The following ANO10 variants were observed in gnomAD, a reference collection of about 807,000 sequenced individuals.
ANO10 encodes anoctamin 10.
ANO10 carries 77 observed loss-of-function variants against 74.7 expected under a neutral mutation model. The observed-to-expected ratio is 1.03, with a 90% CI of 0.86 to 1.25. The LOEUF is 1.25. ANO10 is among the 50% of genes most tolerant of loss of function. The probability of loss-of-function intolerance (pLI) is 0.00; values close to 1 mark genes in which losing one functional copy is unlikely to be tolerated. For missense variants in ANO10, 721 were observed against 778.1 expected (o/e 0.93, Z 0.87); for synonymous variants, 279 against 284.9 (o/e 0.98, Z 0.21).
chr3:43,496,279 C>G (rs2076911275), intron 11 of ANO10, among the ~76,000 whole-genome samples: 1 of 152,028 alleles, frequency 6.6e-6, no homozygotes, highest in Non-Finnish European at 1.5e-5. Flanking sequence ...ATTCTGTAGC[C>G]ATTACAAAGA....
rs372566429 is a variant in ANO10, at chr3:43,526,897, T to A, written c.1797+22823A>T. 2.9e-4 allele frequency among the ~76,000 whole-genome samples: 44 copies of A among 152,026 alleles called. No individual in the cohort carries two copies. In the East Asian group the frequency reaches 3.3e-3, roughly 11 times the overall value. On this transcript the variant is annotated intron_variant, in intron 11 of 12. Transcript: ENST00000292246. Reference sequence around the variant, plus strand: ...TCTAAAATAATCTCTAGTCTACTGGTTGACCTCAACAATAATGAAAAACAG... The same window carrying A: ...TCTAAAATAATCTCTAGTCTACTGGATGACCTCAACAATAATGAAAAACAG...
chr3:43,432,089 A>AT (rs1289536978), intron 12 of ANO10, among the ~76,000 whole-genome samples: 3 of 150,686 alleles, frequency 2.0e-5, no homozygotes, highest in Admixed American at 6.6e-5. Flanking sequence ...CAAGCAGAAA[A>AT]TCACCAAAAT....
chr3:43,599,375 T>C (rs1408106600), intron 3 of ANO10, among the ~76,000 whole-genome samples: 1 of 152,132 alleles, frequency 6.6e-6, no homozygotes, highest in Non-Finnish European at 1.5e-5. Flanking sequence ...TATTCTCTAC[T>C]AGAACCTGCT....
At chr3:43,388,528 A>G (rs1271000188) in intron 12 of ANO10, among the ~76,000 whole-genome samples, 1 of 152,184 alleles carries the variant, frequency 6.6e-6, no homozygotes, top group Non-Finnish European at 1.5e-5. Flanking sequence ...AACTGCAGCT[A>G]GTTTCTTACT....
At chr3:43,500,511 T>C (rs149483231) in intron 11 of ANO10, among the ~76,000 whole-genome samples, 68 of 152,356 alleles carry the variant, frequency 4.5e-4, no homozygotes, top group African/African-American at 1.6e-3. Flanking sequence ...TTTGTCCACA[T>C]GTTGACGATG....
At chr3:43,617,427 C>A (rs924508924) in intron 1 of ANO10, among the ~76,000 whole-genome samples, 1 of 151,960 alleles carries the variant, frequency 6.6e-6, no homozygotes. Context: ...GACCCTGGGG[C>A]GTGGGATTAT....
In ANO10 at chr3:43,672,211, T is replaced by C. The variant is rs116034596; in HGVS notation, c.-12+19306A>G. On this transcript the variant is annotated intron_variant, in intron 1 of 3. Transcript: ENST00000413397. ...ATGATTTGTGACAATCATTACGATT[T>C]GTGCTGCATACTTCAACTAACAAGA... is the stretch of plus-strand genomic sequence containing the variant. 1.8e-3 allele frequency among the ~76,000 whole-genome samples: 277 copies of C among 152,298 alleles called. 3 individuals are homozygous for C. The highest frequency in any genetic ancestry group is 6.3e-3 in the African/African-American group (262 of 41,554).
At chr3:43,411,780 T>C (rs567910076) in intron 12 of ANO10, among the ~76,000 whole-genome samples, 32 of 152,288 alleles carry the variant, frequency 2.1e-4, no homozygotes, top group African/African-American at 6.0e-4. Flanking sequence ...CAGGAACAAC[T>C]GCATTTTGGA....
chr3:43,677,393 A>G (rs1190521951), intron 1 of ANO10, among the ~76,000 whole-genome samples: 2 of 152,226 alleles, frequency 1.3e-5, no homozygotes, highest in East Asian at 3.8e-4. Flanking sequence ...TTCTAAAAGT[A>G]CAAAAAACAA....
At chr3:43,580,316 C>T (rs753932398) in intron 5 of ANO10, 37 bp downstream of exon 5, 2 of 1,612,750 alleles carry the variant, frequency 1.2e-6, no homozygotes, top group African/African-American at 1.3e-5. Flanking sequence ...CATCAGAGGC[C>T]TTCCTCTTCT....
chr3:43,628,256 A>T (rs182003663), intron 1 of ANO10, among the ~76,000 whole-genome samples: 2 of 152,326 alleles, frequency 1.3e-5, no homozygotes, highest in African/African-American at 4.8e-5. Context: ...GACATTTATT[A>T]GTTCCCCAAA....
At chr3:43,431,788 G>A (rs971486635) in intron 12 of ANO10, among the ~76,000 whole-genome samples, 2 of 151,986 alleles carry the variant, frequency 1.3e-5, no homozygotes, top group Non-Finnish European at 2.9e-5. Context: ...CCTGTCCGGC[G>A]CACTACCCTT....
intron 11 of ANO10, among the ~76,000 whole-genome samples, chr3:43,504,386 G>GA (rs1222295370): frequency 2.6e-5 from 4 of 151,390 alleles, no homozygotes; most frequent in South Asian, 2.1e-4. Flanking sequence ...ATCTACAGGT[G>GA]AAAAAAAACC....
chr3:43,647,723 T>C (rs571084382), intron 1 of ANO10, among the ~76,000 whole-genome samples: 6 of 152,304 alleles, frequency 3.9e-5, no homozygotes, highest in Admixed American at 3.9e-4. Context: ...TTTTCAGCCA[T>C]ATCCCCATGG....
At chr3:43,646,357 C>T (rs1330478531) in intron 1 of ANO10, among the ~76,000 whole-genome samples, 1 of 152,164 alleles carries the variant, frequency 6.6e-6, no homozygotes, top group African/African-American at 2.4e-5. Context: ...AGACCAAGGG[C>T]ACACTTCTGC....
intron 7 of ANO10, among the ~76,000 whole-genome samples, chr3:43,567,885 G>T (rs560194531): frequency 3.7e-4 from 56 of 152,072 alleles, no homozygotes; most frequent in South Asian, 1.2e-3. Flanking sequence ...AGACACAGAC[G>T]GGCAAACTGG....
intron 11 of ANO10, among the ~76,000 whole-genome samples, chr3:43,440,302 T>C (rs1339342308): frequency 1.3e-5 from 2 of 152,052 alleles, no homozygotes; most frequent in Non-Finnish European, 2.9e-5. Context: ...TCCAATTACC[T>C]GCAGATGTAA....
chr3:43,594,673 A>G (rs1430685951), intron 4 of ANO10, among the ~76,000 whole-genome samples: 2 of 152,230 alleles, frequency 1.3e-5, no homozygotes, highest in Admixed American at 1.3e-4. Flanking sequence ...AAGATCTAAA[A>G]TTGACACCCT....
In ANO10 at chr3:43,467,994, A is replaced by G. The variant is rs17075736; in HGVS notation, c.1798-35267T>C. 2.2e-3 allele frequency among the ~76,000 whole-genome samples: 338 copies of G among 152,356 alleles called. 2 individuals are homozygous for G. Among genetic ancestry groups the G allele is most frequent in the African/African-American group, 7.8e-3 (325 of 41,590 alleles). ...TCATCACAGTGATGGAGTTCTTAGC[A>G]TTGAGCATAAGTACTCTTTTGTGGT... On this transcript the variant is annotated intron_variant, in intron 11 of 12. Coordinates refer to ENST00000292246, the MANE Select transcript of ANO10 (RefSeq NM_018075.5).
Sources: allele counts gnomAD v4.1 joint callset (sites outside exome capture counted in the v4.1 genomes callset), GRCh38; gene constraint gnomAD v4.1.1; transcripts MANE v1.5; gene names NCBI Gene and HGNC (gene_info 2026-07-23, HGNC 2026-07-21).